TLN1: variants seen among roughly 807,000 people sequenced by gnomAD.
The protein encoded by TLN1 is talin-1.
A neutral mutation model predicts 292.3 loss-of-function variants in TLN1; 56 were observed. The observed-to-expected ratio is 0.19, with a 90% CI of 0.15 to 0.24. TLN1 has a LOEUF of 0.24. TLN1 is among the 10% of genes least tolerant of loss of function. TLN1 has a pLI of 1.00. For synonymous variants in TLN1, 1,119 were observed against 1,253.7 expected (o/e 0.89, Z 2.27); for missense variants, 2,433 against 3,248.2 (o/e 0.75, Z 6.10).
Position 35,710,510 on chromosome 9 carries a change from T to C in TLN1, c.4326+51A>G, listed in dbSNP as rs1825648441. 1.9e-6 allele frequency: 3 copies of C among 1,582,466 alleles called. No homozygotes were observed. The South Asian group carries it at 3.3e-5, about 18-fold the overall frequency. ...ACAGGTATGTCAGGCTGAGAGAAAA[T>C]GGGGTAAAGAAAGTAGGGGCCATTC... On this transcript the variant is annotated intron_variant, in intron 33 of 56. Transcript: ENST00000314888.
In TLN1 at chr9:35,719,579, T is replaced by C; in HGVS notation, c.1627A>G (p.Ile543Val). 6.2e-7 allele frequency: 1 copy of C among 1,614,222 alleles called. No homozygotes were observed. Residue 543 changes from isoleucine to valine, a missense_variant, in exon 15 of 57, where the codon ATC becomes GTC. Ile to Val is a conservative substitution (Grantham distance 29, BLOSUM62 3). Transcript: ENST00000314888. This position sits in a 1 kb window ranked among gnomAD's most constrained non-coding sequence, Gnocchi z 4.6. ...KNKMDESKHE[I>V]HSQVDAITAG... ...GTGATGGCATCTACCTGAGAGTGGA[T>C]CTCATGCTTTGATTCATCCATCTTG...
intron 13 of TLN1, 26 bp downstream of exon 13, chr9:35,720,013 C>T (rs751438569): frequency 7.0e-5 from 110 of 1,577,726 alleles, no homozygotes; most frequent in Non-Finnish European, 9.4e-5. Context: ...AGGGCCCTGG[C>T]ACCGTGGTGG....
intron 20 of TLN1, 35 bp downstream of exon 20, chr9:35,716,355 G>A (rs1342370578): frequency 1.2e-6 from 2 of 1,611,726 alleles, no homozygotes; most frequent in East Asian, 2.2e-5. Flanking sequence ...TCCCTCTAGG[G>A]TCCAGTCTGG....
intron 1 of TLN1, among the ~76,000 whole-genome samples, chr9:35,729,706 A>G (rs1826036323): frequency 6.6e-6 from 1 of 152,164 alleles, no homozygotes; most frequent in South Asian, 2.1e-4. Flanking sequence ...AATAACTACT[A>G]AGGTAGACAG....
chr9:35,697,791 T>C lies in TLN1; in HGVS notation c.7626A>G (p.Ter2542=). The C allele has an allele frequency of 1.9e-6, 3 of 1,614,008 alleles. No homozygotes were observed. The highest frequency in any genetic ancestry group is 2.2e-5 in the East Asian group (1 of 44,886). Residue 2542 remains the stop codon, a stop_retained_variant, in exon 57 of 57, where the codon TAA becomes TAG. Transcript: ENST00000314888. ...FLPSELRDEH[*] ...TCTGCATTAAATAGAAGAGGCTTCTTTAGTGCTCATCTCGAAGCTCTGAAG... is the reference window on the plus strand; with the variant it reads ...TCTGCATTAAATAGAAGAGGCTTCTCTAGTGCTCATCTCGAAGCTCTGAAG...
In TLN1 at chr9:35,719,191, C is replaced by A; in HGVS notation, c.1779G>T (p.Leu593=). 1.2e-6 allele frequency: 2 copies of A among 1,614,184 alleles called. No homozygotes were observed. The highest frequency in any genetic ancestry group is 1.7e-6 in the Non-Finnish European group (2 of 1,180,020). ...CTTCGTCCTCCAGCAAGGCAGCCAG[C>A]AGCTTCACCCCACGGGACATCTCCG... ...NLTEMSRGVK[L]LAALLEDEGG... The change falls in exon 16 of 57, where the codon CTG becomes CTT. Residue 593 remains leucine, a synonymous_variant. Coordinates refer to ENST00000314888, the MANE Select transcript of TLN1 (RefSeq NM_006289.4). This position sits in a 1 kb window ranked among gnomAD's most constrained non-coding sequence, Gnocchi z 4.6.
chr9:35,729,957 G>GGGTGTAGAAAAAGGATGAGAAAACAT (rs1826043018), intron 1 of TLN1, among the ~76,000 whole-genome samples: 1 of 151,406 alleles, frequency 6.6e-6, no homozygotes, highest in Non-Finnish European at 1.5e-5. Flanking sequence ...GGGGAAGACA[G>GGGTGTAGAAAAAGGATGAGAAAACAT]GGTGTAGAAA....
chr9:35,725,337 G>A lies in TLN1; in HGVS notation c.131-16C>T, dbSNP rs1563947624. ...AAGTCGCTGGCTAAAAGAGAGGATG[G>A]ATCACTTTAGGCTTATGAAGACCCC... is the stretch of plus-strand genomic sequence containing the variant. On this transcript the variant is annotated splice_polypyrimidine_tract_variant and intron_variant, in intron 2 of 56. Coordinates refer to ENST00000314888, the MANE Select transcript of TLN1 (RefSeq NM_006289.4). The A allele has an allele frequency of 1.2e-6, 2 of 1,612,608 alleles. No individual in the cohort carries two copies. The highest frequency in any genetic ancestry group is 1.7e-6 in the Non-Finnish European group (2 of 1,178,748).
At chr9:35,709,973 G>A (rs1825634537) in intron 33 of TLN1, among the ~76,000 whole-genome samples, 1 of 148,834 alleles carries the variant, frequency 6.7e-6, no homozygotes, top group Admixed American at 6.7e-5. Flanking sequence ...AGCACTTTGG[G>A]AGGCCGAGGC....
chr9:35,728,523 A>G (rs1409773139), intron 1 of TLN1, among the ~76,000 whole-genome samples: 1 of 152,046 alleles, frequency 6.6e-6, no homozygotes, highest in East Asian at 1.9e-4. Flanking sequence ...ACTCAAATGC[A>G]CACTCATTCT....
At position 35,717,405 on chromosome 9, in the gene TLN1, T is replaced by C; in HGVS notation, c.2199A>G (p.Gln733=). 1 of 1,614,064 alleles carries C rather than the reference T, an allele frequency of 6.2e-7. No individual in the cohort carries two copies. The change falls in exon 19 of 57, where the codon CAA becomes CAG. Residue 733 remains glutamine (Q), a synonymous_variant. Coordinates refer to ENST00000314888, the MANE Select transcript of TLN1 (RefSeq NM_006289.4). This position sits in a 1 kb window ranked among gnomAD's most constrained non-coding sequence, Gnocchi z 4.7. ...GTCGTCCAGCCTCCACCAGTTGCTC[T>C]TGGCAGACAGGTGAGCTGATTGTAG... ...VAPTISSPVC[Q]EQLVEAGRLV...
At position 35,720,519 on chromosome 9, in the gene TLN1, G is replaced by C; in HGVS notation, c.1207-10C>G. ...GATCCTTGCTTTTTTTCTGTAGGAA[G>C]GAAAAAGGAACAAGAGTTGGGATAG... is the stretch of plus-strand genomic sequence containing the variant. On this transcript the variant is annotated splice_polypyrimidine_tract_variant and intron_variant, in intron 11 of 56. Coordinates refer to ENST00000314888, the MANE Select transcript of TLN1 (RefSeq NM_006289.4). 6.2e-7 allele frequency: 1 copy of C among 1,613,210 alleles called. No individual in the cohort carries two copies. The highest frequency in any genetic ancestry group is 8.5e-7 in the Non-Finnish European group (1 of 1,179,620).
intron 8 of TLN1, 128 bp from the exon 9 acceptor site, chr9:35,722,351 A>G: frequency 1.3e-6 from 1 of 797,812 alleles, no homozygotes; most frequent in South Asian, 1.5e-5. Flanking sequence ...ACAAGATATG[A>G]GAACGAGAGG....
chr9:35,706,916 G>A lies in TLN1; in HGVS notation c.4956-16C>T, dbSNP rs944901742. ...AGCCTTGTCCCTGCAGACACATCAT[G>A]GGCTCCAACACCAAGAACATCCCCT... On this transcript the variant is annotated splice_polypyrimidine_tract_variant and intron_variant, in intron 37 of 56. Coordinates refer to ENST00000314888, the MANE Select transcript of TLN1 (RefSeq NM_006289.4). This position sits in a 1 kb window ranked among gnomAD's most constrained non-coding sequence, Gnocchi z 4.2. 6.2e-7 allele frequency: 1 copy of A among 1,613,136 alleles called. No homozygotes were observed. Among genetic ancestry groups the A allele is most frequent in the African/African-American group, 1.3e-5 (1 of 74,830 alleles).
chr9:35,707,930 A>C lies in TLN1; in HGVS notation c.4471-38T>G. 2 of 1,609,396 alleles carry C rather than the reference A, an allele frequency of 1.2e-6. No individual in the cohort carries two copies. Among genetic ancestry groups the C allele is most frequent in the Non-Finnish European group, 1.7e-6 (2 of 1,177,090 alleles). ...ATGGAAGAGCCACGATGAGGGCAGG[A>C]AGGAGGTGTACATACCCAAGGAGGA... On this transcript the variant is annotated intron_variant, in intron 34 of 56. Transcript: ENST00000314888. This position sits in a 1 kb window ranked among gnomAD's most constrained non-coding sequence, Gnocchi z 5.6.
chr9:35,720,760 T>C, intron 11 of TLN1, 52 bp downstream of exon 11: 1 of 1,542,588 alleles, frequency 6.5e-7, no homozygotes, highest in South Asian at 1.1e-5. Context: ...AGGACTGGCT[T>C]GTGGAGAGGG....
rs1297938470 is a variant in TLN1 at position 35,698,107 on chromosome 9, G to C, written c.7437C>G (p.Ala2479=). The C allele has an allele frequency of 6.2e-7, 1 of 1,614,100 alleles. No individual in the cohort carries two copies. Among genetic ancestry groups the C allele is most frequent in the Non-Finnish European group, 8.5e-7 (1 of 1,180,044 alleles). The change falls in exon 56 of 57, where the codon GCC becomes GCG. Residue 2479 remains alanine (A), a synonymous_variant. Transcript: ENST00000314888. This position sits in a 1 kb window ranked among gnomAD's most constrained non-coding sequence, Gnocchi z 5.3. ...NLVKAAQKAA[A]FEEQENETVV... ...CTGTCTCATTCTCCTGCTCTTCAAA[G>C]GCTGCAGCCTTCTGTGCTGCTTTCA...
At chr9:35,725,502 A>G in intron 2 of TLN1, 63 bp downstream of exon 2, 1 of 1,592,304 alleles carries the variant, frequency 6.3e-7, no homozygotes, top group Non-Finnish European at 8.6e-7. Context: ...CTCAAGGCCG[A>G]GAGCCTGGGA....
chr9:35,711,031 T>C lies in TLN1; in HGVS notation c.4071A>G (p.Ala1357=), dbSNP rs1825659058. Residue 1357 remains alanine (A), a synonymous_variant, in exon 31 of 57, where the codon GCA becomes GCG. Coordinates refer to ENST00000314888, the MANE Select transcript of TLN1 (RefSeq NM_006289.4). ...NQLITMCTQQ[A]PGQKECDNAL... is the part of the protein sequence containing the mutation. ...CGTTATCACACTCCTTCTGGCCGGG[T>C]GCCTGCTGGGTGCACATAGTGATGA... 6.2e-7 allele frequency: 1 copy of C among 1,614,104 alleles called. No homozygotes were observed. The highest frequency in any genetic ancestry group is 8.5e-7 in the Non-Finnish European group (1 of 1,180,046).
Sources: gnomAD v4.1 joint callset for allele counts (sites outside exome capture counted in the v4.1 genomes callset) on GRCh38, gnomAD v4.1.1 for gene constraint, Gnocchi (gnomAD v3.1) non-coding constraint, MANE v1.5 for transcripts, NCBI Gene and HGNC (gene_info 2026-07-23, HGNC 2026-07-21) for gene names.